Variants in TMEM82 observed in about 807,000 individuals in gnomAD.
TMEM82 encodes transmembrane protein 82.
A neutral mutation model predicts 29.2 loss-of-function variants in TMEM82; 30 were observed. That is an observed-to-expected ratio of 1.03 (90% CI 0.77 to 1.39). TMEM82 has a LOEUF of 1.39. Ranked by LOEUF, TMEM82 falls within the 40% of genes most tolerant of loss-of-function variation. The pLI is 0.00. For missense variants in TMEM82, 442 were observed against 447.7 expected (o/e 0.99, Z 0.12); for synonymous variants, 221 against 225.4 (o/e 0.98, Z 0.18).
intron 5 of TMEM82, among the ~76,000 whole-genome samples, chr1:15,747,273 C>T (rs1204551802): frequency 6.6e-6 from 1 of 151,302 alleles, no homozygotes; most frequent in Non-Finnish European, 1.5e-5. Flanking sequence ...GTCTGGGCAA[C>T]AGAGTGAGAC....
In TMEM82 at chr1:15,744,083, C is replaced by A. The variant is rs1179489673; in HGVS notation, c.337-77C>A. 2.1e-6 allele frequency: 3 copies of A among 1,412,122 alleles called. No individual in the cohort carries two copies. The African/African-American group carries it at 4.3e-5, about 20-fold the overall frequency. The allele number at this position is 1,412,122 out of a possible 1,614,324, so 87.5% of individuals were successfully genotyped here. A position where few individuals can be genotyped will look rare whatever the true frequency, so the allele number is the denominator to read the frequency against. ...GAACCATCCCCAAGGTCCCTTCAGGCTCCGGCTTCCTGTGGTGGGCAGCAC... is the reference window on the plus strand; with the variant it reads ...GAACCATCCCCAAGGTCCCTTCAGGATCCGGCTTCCTGTGGTGGGCAGCAC... On this transcript the variant is annotated intron_variant, in intron 3 of 5. Transcript: ENST00000375782. This position sits in a 1 kb window ranked among gnomAD's most constrained non-coding sequence, Gnocchi z 5.2.
rs764636885 is a variant in TMEM82 at position 15,744,174 on chromosome 1, C to A, written c.351C>A (p.Ala117=). 25 of 1,562,944 alleles carry A rather than the reference C, an allele frequency of 1.6e-5. No homozygotes were observed. Among genetic ancestry groups the A allele is most frequent in the Non-Finnish European group, 2.1e-5 (24 of 1,157,698 alleles). Residue 117 remains alanine (A), a synonymous_variant, in exon 4 of 6, where the codon GCC becomes GCA. Coordinates refer to ENST00000375782, the MANE Select transcript of TMEM82 (RefSeq NM_001013641.3). The surrounding 1 kb of genome is among the most constrained non-coding windows in gnomAD (Gnocchi z 5.2). ...LLSLGKGSQG[A]AERLQLYLLC... Reference sequence around the variant, plus strand: ...ACTCCCCGCAGGGCTCCCAGGGTGCCGCCGAGAGGCTGCAGCTCTACCTGC... The same window carrying A: ...ACTCCCCGCAGGGCTCCCAGGGTGCAGCCGAGAGGCTGCAGCTCTACCTGC...
intron 3 of TMEM82, among the ~76,000 whole-genome samples, chr1:15,743,919 C>G (rs1029070454): frequency 6.6e-6 from 1 of 151,784 alleles, no homozygotes; most frequent in Non-Finnish European, 1.5e-5. Context: ...GAGCGGAGAT[C>G]GAGCCACTGT....
Position 15,746,976 on chromosome 1 carries a change from G to A in TMEM82, c.867G>A (p.Leu289=), listed in dbSNP as rs1272664874. ...CTGTGGGTCGCTGGCTGGACCTGCT[G>A]GGCATCCTTGTCTCCCTACTGGGCG... The part of the protein sequence containing the change: ...LLTVGRWLDL[L]GILVSLLGEL... Residue 289 remains leucine (L), a synonymous_variant, in exon 5 of 6, where the codon CTG becomes CTA. Transcript: ENST00000375782. 6.2e-7 allele frequency: 1 copy of A among 1,612,122 alleles called. No homozygotes were observed. Among genetic ancestry groups the A allele is most frequent in the Non-Finnish European group, 8.5e-7 (1 of 1,179,984 alleles).
chr1:15,747,152 C>A, intron 5 of TMEM82, 98 bp downstream of exon 5: 2 of 1,242,872 alleles, frequency 1.6e-6, no homozygotes, highest in Non-Finnish European at 2.2e-6. Flanking sequence ...GCCAGCTGGG[C>A]ACGGTCTCTC....
At chr1:15,747,197 C>T in intron 5 of TMEM82, 143 bp downstream of exon 5, 1 of 913,052 alleles carries the variant, frequency 1.1e-6, no homozygotes, top group East Asian at 2.6e-5. Context: ...GAGGCTGAGA[C>T]CTGAGAATCA....
chr1:15,745,597 GAGA>G (rs1193901820), intron 4 of TMEM82, among the ~76,000 whole-genome samples: 1 of 151,578 alleles, frequency 6.6e-6, no homozygotes, highest in African/African-American at 2.4e-5. Context: ...GAGAGAAAGA[GAGA>G]AGGAGGTCTT....
rs922590615 is a variant in TMEM82 at position 15,747,701 on chromosome 1, G to A, written c.*69G>A. 2.8e-6 allele frequency: 4 copies of A among 1,405,364 alleles called. No individual in the cohort carries two copies. In the African/African-American group the frequency reaches 5.7e-5, roughly 20 times the overall value. The allele number at this position is 1,405,364 out of a possible 1,614,324, so 87.1% of individuals were successfully genotyped here. A position where few individuals can be genotyped will look rare whatever the true frequency, so the allele number is the denominator to read the frequency against. Reference sequence around the variant, plus strand: ...CTGATCTCCGAGGCCTTGACCCCAGGGCGATGCCTGGAGGCAGAGTGGCAG... The same window carrying A: ...CTGATCTCCGAGGCCTTGACCCCAGAGCGATGCCTGGAGGCAGAGTGGCAG... On this transcript the variant is annotated 3_prime_UTR_variant, in exon 6 of 6. Coordinates refer to ENST00000375782, the MANE Select transcript of TMEM82 (RefSeq NM_001013641.3).
Position 15,744,637 on chromosome 1 carries a change from G to A in TMEM82, c.757+57G>A, listed in dbSNP as rs1342850626. On this transcript the variant is annotated intron_variant, in intron 4 of 5. Coordinates refer to ENST00000375782, the MANE Select transcript of TMEM82 (RefSeq NM_001013641.3). This position sits in a 1 kb window ranked among gnomAD's most constrained non-coding sequence, Gnocchi z 5.2. ...CACGCACATCCCTCTGTCTGGGTCAGGCTCCGGGGAGGCCGAGAGCCATCA... is the reference window on the plus strand; with the variant it reads ...CACGCACATCCCTCTGTCTGGGTCAAGCTCCGGGGAGGCCGAGAGCCATCA... 4.6e-6 allele frequency: 7 copies of A among 1,510,348 alleles called. No individual in the cohort carries two copies. Among genetic ancestry groups the A allele is most frequent in the Admixed American group, 4.2e-5 (2 of 47,214 alleles). The allele number at this position is 1,510,348 out of a possible 1,614,324, so 93.6% of individuals were successfully genotyped here.
In TMEM82 at chr1:15,742,822, C is replaced by T. The variant is rs1443552736; in HGVS notation, c.89-13C>T. ...CTGCACGCTGCCTCGCTGCCTCCCT[C>T]CCGCCCCCTCAGGCCTGATCGGGGC... is the stretch of plus-strand genomic sequence containing the variant. On this transcript the variant is annotated splice_polypyrimidine_tract_variant and intron_variant, in intron 1 of 5. Transcript: ENST00000375782. The T allele has an allele frequency of 6.2e-7, 1 of 1,610,556 alleles. No homozygotes were observed.
chr1:15,743,294 C>A, intron 3 of TMEM82, 100 bp downstream of exon 3: 1 of 1,347,438 alleles, frequency 7.4e-7, no homozygotes, highest in Non-Finnish European at 9.9e-7. Flanking sequence ...AGCATCCCAG[C>A]CTCTTCGCCG....
rs2068298760 is a variant in TMEM82, at chr1:15,742,630, T to C, written c.71T>C (p.Leu24Pro). 6.2e-7 allele frequency: 1 copy of C among 1,609,844 alleles called. No individual in the cohort carries two copies. The highest frequency in any genetic ancestry group is 8.5e-7 in the Non-Finnish European group (1 of 1,179,318). Residue 24 changes from leucine (L) to proline (P), a missense_variant, in exon 1 of 6, where the codon CTT becomes CCT. Physicochemically the swap from Leu to Pro is moderately conservative, Grantham distance 98. Coordinates refer to ENST00000375782, the MANE Select transcript of TMEM82 (RefSeq NM_001013641.3). ...TCCCTCGAGTGGGGCTCTAGCCTCC[T>C]TGACTCCCTCCTGCAAGGTGAGCAC... ...LPSLEWGSSLLDSLLQGLIGA... is the reference protein window; with the variant it reads ...LPSLEWGSSLPDSLLQGLIGA...
chr1:15,745,842 C>T (rs911120698), intron 4 of TMEM82, among the ~76,000 whole-genome samples: 3 of 149,144 alleles, frequency 2.0e-5, no homozygotes, highest in Non-Finnish European at 4.4e-5. Context: ...GAGCCAAGAT[C>T]GCACCATTGC....
At chr1:15,745,197 C>G (rs1351623782) in intron 4 of TMEM82, among the ~76,000 whole-genome samples, 2 of 152,174 alleles carry the variant, frequency 1.3e-5, no homozygotes, top group African/African-American at 4.8e-5. Flanking sequence ...CAGGCACACA[C>G]CACTATGCCA....
chr1:15,744,585 G>A lies in TMEM82; in HGVS notation c.757+5G>A. 1 of 1,599,962 alleles carries A rather than the reference G, an allele frequency of 6.3e-7. No individual in the cohort carries two copies. Among genetic ancestry groups the A allele is most frequent in the South Asian group, 1.1e-5 (1 of 89,034 alleles). On this transcript the variant is annotated splice_donor_5th_base_variant and intron_variant, in intron 4 of 5. Transcript: ENST00000375782. The surrounding 1 kb of genome is among the most constrained non-coding windows in gnomAD (Gnocchi z 5.2). ...TGCTGGTCATCTACATGCAGGGTGA[G>A]CGCTGCGGGGCCTGCTCCATTCAAT... is the stretch of plus-strand genomic sequence containing the variant.
Position 15,747,754 on chromosome 1 carries a change from C to G in TMEM82, c.*122C>G. On this transcript the variant is annotated 3_prime_UTR_variant, in exon 6 of 6. Coordinates refer to ENST00000375782, the MANE Select transcript of TMEM82 (RefSeq NM_001013641.3). Reference sequence around the variant, plus strand: ...CTGGCCTCCTGCCCAGAGCTCAGCACAGGCCCTGGGAGCCCCGAGAAGGGA... The same window carrying G: ...CTGGCCTCCTGCCCAGAGCTCAGCAGAGGCCCTGGGAGCCCCGAGAAGGGA... 1.2e-6 allele frequency: 1 copy of G among 863,918 alleles called. No homozygotes were observed. Among genetic ancestry groups the G allele is most frequent in the Non-Finnish European group, 1.8e-6 (1 of 570,110 alleles). The allele number at this position is 863,918 out of a possible 1,614,324, so 53.5% of individuals were successfully genotyped here. A position where few individuals can be genotyped will look rare whatever the true frequency, so the allele number is the denominator to read the frequency against.
At chr1:15,745,108 A>C (rs1301726736) in intron 4 of TMEM82, among the ~76,000 whole-genome samples, 1 of 152,180 alleles carries the variant, frequency 6.6e-6, no homozygotes, top group Non-Finnish European at 1.5e-5. Context: ...GTGCAGTGGC[A>C]CGATCATGGC....
chr1:15,746,900 A>C lies in TMEM82; in HGVS notation c.791A>C (p.Gln264Pro). 1.9e-6 allele frequency: 3 copies of C among 1,602,460 alleles called. No individual in the cohort carries two copies. The highest frequency in any genetic ancestry group is 2.5e-6 in the Non-Finnish European group (3 of 1,178,562). ...EQRQHPGLQS[Q>P]VQTVLVRMGG... ...CGGCAGCACCCCGGCCTGCAGAGCC[A>C]GGTGCAGACGGTGCTGGTGCGCATG... The change falls in exon 5 of 6, where the codon CAG becomes CCG. Residue 264 changes from glutamine to proline, a missense_variant. Gln to Pro is a moderately conservative substitution (Grantham distance 76). Coordinates refer to ENST00000375782, the MANE Select transcript of TMEM82 (RefSeq NM_001013641.3).
Position 15,747,116 on chromosome 1 carries a change from C to G in TMEM82, c.945+62C>G, listed in dbSNP as rs186403493. The G allele has an allele frequency of 7.0e-3, 10,845 of 1,538,340 alleles. 85 individuals are homozygous for G. The highest frequency in any genetic ancestry group is 0.035 in the Middle Eastern group (202 of 5,716). On this transcript the variant is annotated intron_variant, in intron 5 of 5. Transcript: ENST00000375782. ...AACCCTGCTTCAAACAGCCCAGGAG[C>G]CTCAAGAGGCTCAAGTTTAAGAAGA...
Sources: allele counts gnomAD v4.1 joint callset (sites outside exome capture counted in the v4.1 genomes callset), GRCh38; gene constraint gnomAD v4.1.1; non-coding constraint Gnocchi (gnomAD v3.1); transcripts MANE v1.5; gene names NCBI Gene and HGNC (gene_info 2026-07-23, HGNC 2026-07-21).